PHAX: variants seen among roughly 807,000 people sequenced by gnomAD.
PHAX encodes the protein phosphorylated adapter RNA export protein.
Under a neutral mutation model 41.6 loss-of-function variants are expected in PHAX, and 31 were observed. The observed-to-expected ratio is 0.75, with a 90% CI of 0.56 to 1.01. PHAX has a LOEUF of 1.01. PHAX is among the 50% of genes least tolerant of loss of function. The pLI, the probability that PHAX is intolerant of heterozygous loss-of-function variation, is 0.00. For missense variants in PHAX, 453 were observed against 472.9 expected, an observed-to-expected ratio of 0.96 and a Z score of 0.39; for synonymous variants, 175 against 164.9, an observed-to-expected ratio of 1.06 and a Z score of -0.47.
intron 4 of PHAX, 136 bp downstream of exon 4, chr5:126,617,469 T>C (rs1752203366): frequency 1.9e-6 from 1 of 528,920 alleles, no homozygotes; most frequent in African/African-American, 2.0e-5. Context: ...AAGTAACATT[T>C]ATGCCTTTTA....
chr5:126,616,359 T>A (rs1168407839), intron 3 of PHAX, among the ~76,000 whole-genome samples: 1 of 152,172 alleles, frequency 6.6e-6, no homozygotes, highest in African/African-American at 2.4e-5. Context: ...GCGTCCAAAG[T>A]GCTGGGATTA....
intron 3 of PHAX, among the ~76,000 whole-genome samples, chr5:126,610,939 T>C (rs1752085138): frequency 6.6e-6 from 1 of 152,074 alleles, no homozygotes; most frequent in African/African-American, 2.4e-5. Flanking sequence ...ACTTGTGAGC[T>C]CAAGGAATCT....
At chr5:126,609,268 C>T (rs543135279) in intron 3 of PHAX, among the ~76,000 whole-genome samples, 1 of 151,554 alleles carries the variant, frequency 6.6e-6, no homozygotes, top group Non-Finnish European at 1.5e-5. Flanking sequence ...ACCCGGCTAA[C>T]GTTTGTATTT....
At chr5:126,616,972 G>T (rs1190556375) in intron 3 of PHAX, among the ~76,000 whole-genome samples, 2 of 151,862 alleles carry the variant, frequency 1.3e-5, no homozygotes, top group African/African-American at 4.8e-5. Context: ...TTTGAGCTGA[G>T]TGGCCTATTT....
chr5:126,614,543 C>T (rs1205323637), intron 3 of PHAX, among the ~76,000 whole-genome samples: 1 of 152,058 alleles, frequency 6.6e-6, no homozygotes, highest in Non-Finnish European at 1.5e-5. Context: ...TTTATGTGTA[C>T]AGAGTTTCAG....
intron 4 of PHAX, among the ~76,000 whole-genome samples, chr5:126,621,427 A>G (rs1179778065): frequency 1.3e-5 from 2 of 152,012 alleles, no homozygotes; most frequent in Non-Finnish European, 2.9e-5. Flanking sequence ...GCCTTAAGCA[A>G]TCCTCCTGCC....
In PHAX at chr5:126,624,836, A is replaced by G; in HGVS notation, c.1177A>G (p.Ile393Val). 1 of 1,605,136 alleles carries G rather than the reference A, an allele frequency of 6.2e-7. No individual in the cohort carries two copies. The highest frequency in any genetic ancestry group is 8.5e-7 in the Non-Finnish European group (1 of 1,176,832). The change falls in exon 5 of 5, where the codon ATC (isoleucine) becomes GTC (valine). Residue 393 changes from isoleucine to valine, a missense_variant. Coordinates refer to ENST00000297540, the MANE Select transcript of PHAX (RefSeq NM_032177.4). The part of the protein sequence containing the change: ...IEVDHSHDLD[I>V]F ...AGTTGATCATTCTCATGATTTGGAC[A>G]TCTTTTAAGTACATTTTCAACAGTT...
chr5:126,606,218 CAG>C (rs1751985365), intron 2 of PHAX, among the ~76,000 whole-genome samples: 2 of 151,786 alleles, frequency 1.3e-5, no homozygotes, highest in South Asian at 4.2e-4. Context: ...TTGTTTGAGA[CAG>C]AGTGTCACTC....
At position 126,625,324 on chromosome 5, in the gene PHAX, C is replaced by T. The variant is rs138175033; in HGVS notation, c.*480C>T. 7.4e-3 allele frequency: 1,140 copies of T among 154,564 alleles called. 12 individuals carry two copies. The highest frequency in any genetic ancestry group is 0.016 in the Middle Eastern group (5 of 304). 9.6% of individuals were successfully genotyped at this position (154,564 alleles called of 1,614,324 possible). A position where few individuals can be genotyped will look rare whatever the true frequency, so the allele number is the denominator to read the frequency against. Reference sequence around the variant, plus strand: ...GATAAAAACTAACATTGGCCAGGCACGGTGGCTCACGCCTGTAATCCCAAC... The same window carrying T: ...GATAAAAACTAACATTGGCCAGGCATGGTGGCTCACGCCTGTAATCCCAAC... On this transcript the variant is annotated 3_prime_UTR_variant, in exon 5 of 5. Transcript: ENST00000297540.
chr5:126,617,645 A>C (rs1752206586), intron 4 of PHAX, among the ~76,000 whole-genome samples: 1 of 151,912 alleles, frequency 6.6e-6, no homozygotes. Flanking sequence ...TGCCTGGCTG[A>C]TTTTTGTATT....
rs1020919952 is a variant in PHAX, at chr5:126,626,474, C to A, written c.*1630C>A. Reference sequence around the variant, plus strand: ...AAAAAATTAGCCGGGCGCGGTGGCTCACACCTGTAATCCCAGCACTTTGGG... The same window carrying A: ...AAAAAATTAGCCGGGCGCGGTGGCTAACACCTGTAATCCCAGCACTTTGGG... On this transcript the variant is annotated 3_prime_UTR_variant, in exon 5 of 5. Transcript: ENST00000297540. 1.3e-5 allele frequency: 2 copies of A among 152,060 alleles called. No homozygotes were observed. Among genetic ancestry groups the A allele is most frequent in the African/African-American group, 4.8e-5 (2 of 41,394 alleles). 9.4% of individuals were successfully genotyped at this position (152,060 alleles called of 1,614,324 possible). A position where few individuals can be genotyped will look rare whatever the true frequency, so the allele number is the denominator to read the frequency against.
At chr5:126,610,342 G>A (rs957543360) in intron 3 of PHAX, among the ~76,000 whole-genome samples, 2 of 152,136 alleles carry the variant, frequency 1.3e-5, no homozygotes, top group Non-Finnish European at 2.9e-5. Flanking sequence ...TGACTTCCTT[G>A]TTTTTTGTTA....
chr5:126,604,346 A>G (rs1335148721), intron 2 of PHAX, among the ~76,000 whole-genome samples, 163 bp downstream of exon 2: 1 of 139,826 alleles, frequency 7.2e-6, no homozygotes, highest in Non-Finnish European at 1.5e-5. Context: ...ACTCACTGCA[A>G]CCTCCGCCTC....
intron 4 of PHAX, among the ~76,000 whole-genome samples, chr5:126,623,194 G>A (rs1418397515): frequency 1.3e-5 from 2 of 151,978 alleles, no homozygotes; most frequent in African/African-American, 4.8e-5. Flanking sequence ...ATGCTGAGGC[G>A]GGAGGATTGC....
intron 3 of PHAX, among the ~76,000 whole-genome samples, chr5:126,609,742 TG>T (rs1752051745): frequency 6.6e-6 from 1 of 151,772 alleles, no homozygotes. Flanking sequence ...CCCTTTTTTT[TG>T]TTTGTTTGTT....
At chr5:126,605,344 T>G (rs367870005) in intron 2 of PHAX, among the ~76,000 whole-genome samples, 1 of 151,988 alleles carries the variant, frequency 6.6e-6, no homozygotes, top group African/African-American at 2.4e-5. Context: ...AATTTTTCTT[T>G]AAGGAACTGG....
At chr5:126,620,979 A>C (rs916584515) in intron 4 of PHAX, among the ~76,000 whole-genome samples, 13 of 151,828 alleles carry the variant, frequency 8.6e-5, no homozygotes, top group Non-Finnish European at 1.6e-4. Flanking sequence ...CAGGTGATCC[A>C]CCCTCCTCGG....
chr5:126,611,142 G>GC (rs1294470829), intron 3 of PHAX, among the ~76,000 whole-genome samples: 1 of 150,840 alleles, frequency 6.6e-6, no homozygotes, highest in Non-Finnish European at 1.5e-5. Flanking sequence ...CACAACCTCT[G>GC]CCTCCCGGGT....
In PHAX at chr5:126,601,004, C is replaced by T. The variant is rs750802201; in HGVS notation, c.42C>T (p.Ser14=). Residue 14 remains serine (S), a synonymous_variant, in exon 1 of 5, where the codon TCC becomes TCT. Transcript: ENST00000297540. ...GCGATATGGAAGATGGGCAGCTTTC[C>T]GACTCGGATTCCGACATGACGGTCG... The part of the protein sequence containing the change: ...EVGDMEDGQL[S]DSDSDMTVAP... The T allele has an allele frequency of 1.2e-6, 2 of 1,605,774 alleles. No homozygotes were observed. The highest frequency in any genetic ancestry group is 1.4e-5 in the African/African-American group (1 of 73,216).
Sources: allele counts gnomAD v4.1 joint callset (sites outside exome capture counted in the v4.1 genomes callset), GRCh38; gene constraint gnomAD v4.1.1; transcripts MANE v1.5; gene names NCBI Gene and HGNC (gene_info 2026-07-23, HGNC 2026-07-21).